The following S100A8 variants were observed in gnomAD, a reference collection of about 807,000 sequenced individuals.
The protein encoded by S100A8 is protein S100-A8.
A neutral mutation model predicts 4.2 loss-of-function variants in S100A8; 1 was observed. The observed-to-expected ratio is 0.24, with a 90% confidence interval of 0.08 to 1.12. S100A8 has a LOEUF of 1.12. Among genes scored for constraint, S100A8 ranks in the 50% most tolerant of loss-of-function variants. The pLI, the probability that S100A8 is intolerant of heterozygous loss-of-function variation, is 0.53. For synonymous variants in S100A8, 41 were observed against 44.7 expected (o/e 0.92, Z 0.33); for missense variants, 96 against 111.8 (o/e 0.86, Z 0.64).
At chr1:153,400,343 GC>G in the S100A8 span, among the ~76,000 whole-genome samples, 1 of 152,104 alleles carries the variant, frequency 6.6e-6, no homozygotes, top group Non-Finnish European at 1.5e-5. Context: ...TGCTACCTGG[GC>G]CCCTGAGTGA....
the S100A8 span, among the ~76,000 whole-genome samples, chr1:153,415,157 C>T: frequency 7.3e-5 from 11 of 150,508 alleles, no homozygotes; most frequent in South Asian, 1.7e-3. Context: ...TGTATGTGTG[C>T]GTTTGTGTGT....
chr1:153,422,432 A>C, the S100A8 span: 5 of 825,564 alleles, frequency 6.1e-6, no homozygotes, highest in Non-Finnish European at 7.3e-6. Flanking sequence ...GCAAGAATTT[A>C]CTTGATTTGG....
Position 153,390,524 on chromosome 1 carries a change from C to G in S100A8, c.12G>C (p.Glu4Asp). 6.2e-7 allele frequency: 1 copy of G among 1,614,192 alleles called. No individual in the cohort carries two copies. Among genetic ancestry groups the G allele is most frequent in the Non-Finnish European group, 8.5e-7 (1 of 1,180,026 alleles). ...TGATAGAGTTCAAGGCTTTCTCCAG[C>G]TCGGTCAACATGATGCCCACGGACT... MLT[E>D]LEKALNSIID... Residue 4 changes from glutamate (E) to aspartate (D), a missense_variant, in exon 2 of 3, where the codon GAG becomes GAC. By Grantham distance (45) the Glu-to-Asp change is conservative. Transcript: ENST00000368733.
chr1:153,391,996 C>T (rs1356530045), upstream of S100A8, among the ~76,000 whole-genome samples: 2 of 152,198 alleles, frequency 1.3e-5, no homozygotes, highest in Non-Finnish European at 2.9e-5. Context: ...CAAATCCTCT[C>T]CCCACCACTA....
chr1:153,418,187 G>A, the S100A8 span: 6 of 1,613,996 alleles, frequency 3.7e-6, no homozygotes, highest in Non-Finnish European at 5.1e-6. Flanking sequence ...TGCTGACGAT[G>A]ATGAAGGAGA....
chr1:153,412,359 T>G, the S100A8 span, among the ~76,000 whole-genome samples: 1 of 152,218 alleles, frequency 6.6e-6, no homozygotes, highest in South Asian at 2.1e-4. Flanking sequence ...ATGACATTTA[T>G]GCAGCCAAAA....
chr1:153,405,769 C>T, the S100A8 span, among the ~76,000 whole-genome samples: 2 of 151,994 alleles, frequency 1.3e-5, no homozygotes, highest in South Asian at 4.2e-4. Flanking sequence ...GAGCCACCAA[C>T]TCTCTCTGTG....
chr1:153,422,256 A>C, the S100A8 span: 1 of 152,750 alleles, frequency 6.5e-6, no homozygotes, highest in Non-Finnish European at 1.5e-5. Flanking sequence ...CCAGATAGAA[A>C]ATTGATTTGA....
chr1:153,416,132 GC>G, the S100A8 span, among the ~76,000 whole-genome samples: 1 of 152,152 alleles, frequency 6.6e-6, no homozygotes, highest in Non-Finnish European at 1.5e-5. Context: ...CATAGAACAG[GC>G]TGTCACAACA....
the S100A8 span, among the ~76,000 whole-genome samples, chr1:153,406,895 G>C: frequency 6.6e-6 from 1 of 152,228 alleles, no homozygotes; most frequent in Non-Finnish European, 1.5e-5. Flanking sequence ...AGGTGCAAAA[G>C]ATAAGGCCCC....
the S100A8 span, among the ~76,000 whole-genome samples, chr1:153,398,870 T>C: frequency 6.6e-6 from 1 of 152,340 alleles, no homozygotes; most frequent in East Asian, 1.9e-4. Flanking sequence ...ACTTGGAGCT[T>C]CGTTCAAACC....
the S100A8 span, among the ~76,000 whole-genome samples, chr1:153,409,118 C>T: frequency 8.0e-3 from 1,211 of 152,272 alleles, 17 homozygotes; most frequent in African/African-American, 0.027. Flanking sequence ...ATCAAATTCA[C>T]ACATAACAAT....
At chr1:153,407,248 A>G in the S100A8 span, among the ~76,000 whole-genome samples, 22 of 152,362 alleles carry the variant, frequency 1.4e-4, no homozygotes, top group East Asian at 4.2e-3. Flanking sequence ...CGGCACCTGG[A>G]AAATCAGGTC....
chr1:153,422,453 A>C, the S100A8 span: 1 of 914,362 alleles, frequency 1.1e-6, no homozygotes, highest in Non-Finnish European at 1.3e-6. Flanking sequence ...AATAATTAAT[A>C]GCTACTGGAC....
chr1:153,407,248 A>C, the S100A8 span, among the ~76,000 whole-genome samples: 2 of 152,244 alleles, frequency 1.3e-5, no homozygotes, highest in African/African-American at 4.8e-5. Flanking sequence ...CGGCACCTGG[A>C]AAATCAGGTC....
At chr1:153,412,221 T>C in the S100A8 span, among the ~76,000 whole-genome samples, 5 of 152,128 alleles carry the variant, frequency 3.3e-5, no homozygotes, top group African/African-American at 1.2e-4. Context: ...AGAAAATTTT[T>C]GCAACCTACT....
At chr1:153,410,010 G>T in the S100A8 span, among the ~76,000 whole-genome samples, 2 of 152,210 alleles carry the variant, frequency 1.3e-5, no homozygotes, top group Non-Finnish European at 2.9e-5. Flanking sequence ...AGCACTAAAT[G>T]CCCACAGGTG....
upstream of S100A8, among the ~76,000 whole-genome samples, chr1:153,395,121 G>T (rs1228198156): frequency 6.6e-6 from 1 of 152,102 alleles, no homozygotes; most frequent in Non-Finnish European, 1.5e-5. Flanking sequence ...GATACCGGAG[G>T]ACTCAGATCA....
At chr1:153,397,124 T>C in the S100A8 span, among the ~76,000 whole-genome samples, 1 of 152,210 alleles carries the variant, frequency 6.6e-6, no homozygotes, top group Non-Finnish European at 1.5e-5. Context: ...TCTTCACAGC[T>C]GAACTGGAGG....
Sources: allele counts gnomAD v4.1 joint callset (sites outside exome capture counted in the v4.1 genomes callset), GRCh38; gene constraint gnomAD v4.1.1; transcripts MANE v1.5; gene names NCBI Gene and HGNC (gene_info 2026-07-23, HGNC 2026-07-21).